The following SPAG16 variants were observed in gnomAD, a reference collection of about 807,000 sequenced individuals.
The protein encoded by SPAG16 is sperm associated antigen 16.
SPAG16 carries 86 observed loss-of-function variants against 80.4 expected under a neutral mutation model. The ratio of observed to expected loss-of-function variants is 1.07; its 90% CI spans 0.90 to 1.28. The LOEUF is 1.28. Among genes scored for constraint, SPAG16 ranks in the 50% most tolerant of loss-of-function variants. SPAG16 has a pLI of 0.00. For synonymous variants in SPAG16, 294 were observed against 265.9 expected, an observed-to-expected ratio of 1.11 and a Z score of -1.03; for missense variants, 870 against 765.3, an observed-to-expected ratio of 1.14 and a Z score of -1.61.
chr2:213,641,491 G>A (rs2062586694), intron 10 of SPAG16, among the ~76,000 whole-genome samples: 1 of 152,176 alleles, frequency 6.6e-6, no homozygotes, highest in Non-Finnish European at 1.5e-5. Context: ...TTACTACAAA[G>A]TTTAGTGGAA....
intron 10 of SPAG16, among the ~76,000 whole-genome samples, chr2:213,511,546 A>G (rs1186565056): frequency 6.6e-6 from 1 of 151,996 alleles, no homozygotes; most frequent in Non-Finnish European, 1.5e-5. Context: ...TTTTTTTAAA[A>G]AAATCTTATT....
intron 13 of SPAG16, among the ~76,000 whole-genome samples, chr2:214,091,579 T>C (rs891067138): frequency 1.7e-4 from 26 of 152,150 alleles, no homozygotes; most frequent in African/African-American, 6.0e-4. Flanking sequence ...TAAACACTTA[T>C]TCAGTGTATG....
intron 5 of SPAG16, among the ~76,000 whole-genome samples, chr2:213,338,146 T>G (rs1575252695): frequency 6.6e-6 from 1 of 152,074 alleles, no homozygotes; most frequent in African/African-American, 2.4e-5. Context: ...AAATAAAATC[T>G]TTTTCAGACA....
chr2:213,755,843 A>G (rs1377972450), intron 10 of SPAG16, among the ~76,000 whole-genome samples: 1 of 152,222 alleles, frequency 6.6e-6, no homozygotes, highest in Non-Finnish European at 1.5e-5. Flanking sequence ...TAACTCAAGA[A>G]AATAAAGTTC....
intron 13 of SPAG16, among the ~76,000 whole-genome samples, chr2:214,042,354 T>C (rs1332591898): frequency 6.6e-6 from 1 of 152,016 alleles, no homozygotes; most frequent in African/African-American, 2.4e-5. Flanking sequence ...GTTTTTGCAT[T>C]AAAAGTAATG....
At chr2:213,750,811 TATC>T in intron 10 of SPAG16, among the ~76,000 whole-genome samples, 1 of 152,374 alleles carries the variant, frequency 6.6e-6, no homozygotes, top group African/African-American at 2.4e-5. Context: ...CTGATAGAAT[TATC>T]TGATATCTGT....
In SPAG16 at chr2:214,316,362, G is replaced by A. The variant is rs375998631; in HGVS notation, c.1721-93778G>A. Among the ~76,000 whole-genome samples the A allele has an allele frequency of 1.1e-4, 17 of 152,214 alleles. No individual in the cohort carries two copies. The East Asian group carries it at 2.7e-3, about 24-fold the overall frequency. On this transcript the variant is annotated intron_variant, in intron 15 of 15. Coordinates refer to ENST00000331683, the MANE Select transcript of SPAG16 (RefSeq NM_024532.5). ...GGAGGACATCCCACATCGTTTATGGGCTGTTGAACAAGAGACTTTCTTAGC... is the reference window on the plus strand; with the variant it reads ...GGAGGACATCCCACATCGTTTATGGACTGTTGAACAAGAGACTTTCTTAGC...
chr2:213,340,960 A>AT (rs1404987144), intron 6 of SPAG16, among the ~76,000 whole-genome samples: 1 of 152,210 alleles, frequency 6.6e-6, no homozygotes, highest in African/African-American at 2.4e-5. Flanking sequence ...CCAATACAAT[A>AT]GCCCCTAACC....
At chr2:214,080,222 A>G (rs550954509) in intron 13 of SPAG16, among the ~76,000 whole-genome samples, 1 of 152,300 alleles carries the variant, frequency 6.6e-6, no homozygotes, top group Admixed American at 6.5e-5. Context: ...CATTAAAACC[A>G]TCAACAAACT....
In SPAG16 at chr2:213,489,981, G is replaced by A. The variant is rs748298045; in HGVS notation, c.961G>A (p.Asp321Asn). Reference protein sequence around the residue: ...GNTKDSEFPIDMQPNPNLNVS... With the variant: ...GNTKDSEFPINMQPNPNLNVS... ...TCTCTAGGATTCAGAATTTCCCATAGATATGCAACCAAATCCAAACCTGAA... is the reference window on the plus strand; with the variant it reads ...TCTCTAGGATTCAGAATTTCCCATAAATATGCAACCAAATCCAAACCTGAA... Residue 321 changes from aspartate (D) to asparagine (N), a missense_variant, in exon 10 of 16, where the codon GAT becomes AAT. By Grantham distance (23) the Asp-to-Asn change is conservative. Coordinates refer to ENST00000331683, the MANE Select transcript of SPAG16 (RefSeq NM_024532.5). 41 of 1,604,662 alleles carry A rather than the reference G, an allele frequency of 2.6e-5. No individual in the cohort carries two copies. The highest frequency in any genetic ancestry group is 1.7e-4 in the South Asian group (15 of 88,738).
intron 15 of SPAG16, among the ~76,000 whole-genome samples, chr2:214,322,416 AT>A (rs1696160761): frequency 6.6e-6 from 1 of 151,928 alleles, no homozygotes; most frequent in South Asian, 2.1e-4. Context: ...TGTTAAATAA[AT>A]TGATTGTTTT....
intron 1 of SPAG16, among the ~76,000 whole-genome samples, chr2:213,290,387 A>G (rs1029181690): frequency 6.6e-6 from 1 of 152,168 alleles, no homozygotes; most frequent in East Asian, 1.9e-4. Flanking sequence ...GCAGGGAGAA[A>G]AGGGGAGCCA....
intron 15 of SPAG16, among the ~76,000 whole-genome samples, chr2:214,341,877 C>T (rs1289241679): frequency 6.6e-6 from 1 of 152,106 alleles, no homozygotes; most frequent in Non-Finnish European, 1.5e-5. Context: ...TCTAGATTAA[C>T]TTTCTGCAGA....
chr2:213,594,913 A>C (rs1037751134), intron 10 of SPAG16, among the ~76,000 whole-genome samples: 9 of 152,124 alleles, frequency 5.9e-5, no homozygotes, highest in Non-Finnish European at 2.9e-5. Flanking sequence ...TTTTGGAATT[A>C]ACTTACTTTT....
At chr2:213,681,637 C>A (rs915948807) in intron 10 of SPAG16, among the ~76,000 whole-genome samples, 3 of 152,056 alleles carry the variant, frequency 2.0e-5, no homozygotes, top group Non-Finnish European at 4.4e-5. Flanking sequence ...AGACACATAA[C>A]AAAACATGGC....
At chr2:213,558,562 T>G (rs893144992) in intron 10 of SPAG16, among the ~76,000 whole-genome samples, 8 of 152,028 alleles carry the variant, frequency 5.3e-5, no homozygotes, top group Admixed American at 4.6e-4. Flanking sequence ...AATTTTGTTG[T>G]GAACCTAACC....
intron 10 of SPAG16, among the ~76,000 whole-genome samples, chr2:213,666,211 C>CT (rs996724995): frequency 5.9e-5 from 9 of 151,856 alleles, no homozygotes; most frequent in Admixed American, 2.6e-4. Context: ...TCGAGTTTTT[C>CT]TTTTTTTTGA....
At chr2:213,548,608 A>T (rs2076691069) in intron 10 of SPAG16, among the ~76,000 whole-genome samples, 1 of 152,168 alleles carries the variant, frequency 6.6e-6, no homozygotes. Context: ...CTTATTATAA[A>T]TGAGATTGAG....
At chr2:213,636,186 G>T (rs2062354754) in intron 10 of SPAG16, among the ~76,000 whole-genome samples, 1 of 152,108 alleles carries the variant, frequency 6.6e-6, no homozygotes, top group Admixed American at 6.5e-5. Flanking sequence ...AATTTTCCCA[G>T]TACCATTTGT....
Sources: allele counts gnomAD v4.1 joint callset (sites outside exome capture counted in the v4.1 genomes callset), GRCh38; gene constraint gnomAD v4.1.1; transcripts MANE v1.5; gene names NCBI Gene and HGNC (gene_info 2026-07-23, HGNC 2026-07-21).